ALK: variants seen among roughly 807,000 people sequenced by gnomAD.
The protein encoded by ALK is ALK tyrosine kinase receptor.
Under a neutral mutation model 163.1 loss-of-function variants are expected in ALK, and 74 were observed. The observed-to-expected ratio is 0.45, with a 90% CI of 0.38 to 0.55. The LOEUF (loss-of-function observed/expected upper bound fraction) is 0.55. Among genes scored for constraint, ALK ranks in the 20% least tolerant of loss-of-function variants. The pLI, the probability that ALK is intolerant of heterozygous loss-of-function variation, is 0.00. For missense variants in ALK, 2,063 were observed against 2,105.3 expected (o/e 0.98, Z 0.39); for synonymous variants, 960 against 843.2 (o/e 1.14, Z -2.40).
chr2:29,546,562 G>T (rs1433308173), intron 3 of ALK, among the ~76,000 whole-genome samples: 1 of 152,196 alleles, frequency 6.6e-6, no homozygotes, highest in African/African-American at 2.4e-5. Context: ...TGGGCGACCA[G>T]GGTGCCTTCA....
At chr2:29,610,740 C>T (rs115817552) in intron 3 of ALK, among the ~76,000 whole-genome samples, 269 of 152,286 alleles carry the variant, frequency 1.8e-3, no homozygotes, top group African/African-American at 5.8e-3. Context: ...CATTTTACAG[C>T]TAGAGTCTGG....
intron 4 of ALK, among the ~76,000 whole-genome samples, chr2:29,516,697 A>G (rs76955044): frequency 0.014 from 2,179 of 152,312 alleles, 65 homozygotes; most frequent in African/African-American, 0.05. Context: ...CAGTCTCTTC[A>G]TTTGTGAAAT....
intron 11 of ALK, among the ~76,000 whole-genome samples, chr2:29,274,789 G>A (rs1316008698): frequency 6.6e-6 from 1 of 152,200 alleles, no homozygotes; most frequent in Non-Finnish European, 1.5e-5. Flanking sequence ...CAGTAAGGCG[G>A]CAGTGAATTC....
In ALK at chr2:29,769,696, T is replaced by C. The variant is rs148217143; in HGVS notation, c.668-51999A>G. On this transcript the variant is annotated intron_variant, in intron 1 of 28. Coordinates refer to ENST00000389048, the MANE Select transcript of ALK (RefSeq NM_004304.5). ...CTTTAGAGGAGTGATCAGACAGATT[T>C]ACAATGAACGATAACACAAAAACGT... Among the ~76,000 whole-genome samples the C allele has an allele frequency of 3.6e-3, 551 of 152,288 alleles. 2 individuals are homozygous for C. Among genetic ancestry groups the C allele is most frequent in the Non-Finnish European group, 5.6e-3 (378 of 68,026 alleles).
chr2:29,754,388 T>G (rs909525829), intron 1 of ALK, among the ~76,000 whole-genome samples: 3 of 152,220 alleles, frequency 2.0e-5, no homozygotes, highest in Non-Finnish European at 4.4e-5. Context: ...CTTCACGAAC[T>G]AGCATACCAT....
intron 28 of ALK, among the ~76,000 whole-genome samples, chr2:29,195,827 A>G (rs184242962): frequency 6.6e-6 from 1 of 152,352 alleles, no homozygotes; most frequent in Admixed American, 6.5e-5. Context: ...AGAGAGGGAA[A>G]GAAAGTGAAT....
intron 8 of ALK, among the ~76,000 whole-genome samples, chr2:29,298,913 C>T (rs1666282833): frequency 6.6e-6 from 1 of 152,182 alleles, no homozygotes; most frequent in African/African-American, 2.4e-5. Flanking sequence ...ATCTCAGAGT[C>T]AATCTTTTGG....
chr2:29,727,884 A>G (rs960372775), intron 1 of ALK, among the ~76,000 whole-genome samples: 6 of 152,114 alleles, frequency 3.9e-5, no homozygotes, highest in African/African-American at 1.4e-4. Flanking sequence ...GGCCATGAAG[A>G]CTATTTATCT....
chr2:29,206,506 G>C (rs985107148), intron 26 of ALK, among the ~76,000 whole-genome samples: 6 of 151,946 alleles, frequency 3.9e-5, no homozygotes, highest in Non-Finnish European at 8.8e-5. Flanking sequence ...TCCTGGGCTC[G>C]AGCAGTCCTC....
chr2:29,642,023 G>A (rs950833063), intron 3 of ALK, among the ~76,000 whole-genome samples: 3 of 152,164 alleles, frequency 2.0e-5, no homozygotes, highest in African/African-American at 7.2e-5. Flanking sequence ...CTGAGAATTT[G>A]TATTTTGAAC....
At chr2:29,359,679 C>A (rs576563996) in intron 5 of ALK, among the ~76,000 whole-genome samples, 27 of 152,230 alleles carry the variant, frequency 1.8e-4, no homozygotes, top group Non-Finnish European at 3.2e-4. Flanking sequence ...ATAAAGGCTC[C>A]CAAAGCCTTT....
intron 1 of ALK, among the ~76,000 whole-genome samples, chr2:29,889,621 T>C (rs1667084528): frequency 6.6e-6 from 1 of 151,532 alleles, no homozygotes; most frequent in African/African-American, 2.4e-5. Flanking sequence ...ACCCACTTCC[T>C]GGGTCTGGCC....
At chr2:29,725,406 A>C (rs1312716652) in intron 1 of ALK, among the ~76,000 whole-genome samples, 1 of 151,932 alleles carries the variant, frequency 6.6e-6, no homozygotes, top group Non-Finnish European at 1.5e-5. Flanking sequence ...CCCAGCTCAA[A>C]TCCCTCCTCC....
intron 3 of ALK, among the ~76,000 whole-genome samples, chr2:29,621,266 T>C (rs1277977014): frequency 6.6e-6 from 1 of 152,202 alleles, no homozygotes; most frequent in Non-Finnish European, 1.5e-5. Context: ...CTGTCTTAGA[T>C]GAATTGTTCA....
intron 1 of ALK, among the ~76,000 whole-genome samples, chr2:29,908,496 C>T (rs1667611251): frequency 6.6e-6 from 1 of 152,226 alleles, no homozygotes; most frequent in South Asian, 2.1e-4. Context: ...CAAATTACCT[C>T]CTTCTGGAAG....
intron 1 of ALK, among the ~76,000 whole-genome samples, chr2:29,902,617 C>A (rs1380760776): frequency 1.3e-5 from 2 of 152,204 alleles, no homozygotes; most frequent in African/African-American, 4.8e-5. Context: ...GACATAAAAT[C>A]TCTTCTCCAA....
intron 1 of ALK, among the ~76,000 whole-genome samples, chr2:29,743,108 C>T (rs1573600090): frequency 6.6e-6 from 1 of 152,192 alleles, no homozygotes; most frequent in South Asian, 2.1e-4. Flanking sequence ...TTTACTTTTT[C>T]TGATGTTGAG....
intron 6 of ALK, among the ~76,000 whole-genome samples, chr2:29,322,588 C>T (rs1183668311): frequency 6.6e-6 from 1 of 152,232 alleles, no homozygotes; most frequent in African/African-American, 2.4e-5. Context: ...AATCCCAGCA[C>T]TTTGGGAGGC....
chr2:29,854,299 A>G (rs1272360601), intron 1 of ALK, among the ~76,000 whole-genome samples: 1 of 152,162 alleles, frequency 6.6e-6, no homozygotes, highest in African/African-American at 2.4e-5. Context: ...GTGATCCCCA[A>G]TGCTGGAGAT....
Sources: allele counts gnomAD v4.1 joint callset (sites outside exome capture counted in the v4.1 genomes callset), GRCh38; gene constraint gnomAD v4.1.1; transcripts MANE v1.5; gene names NCBI Gene and HGNC (gene_info 2026-07-23, HGNC 2026-07-21).